Variants in PDAP1 observed in about 807,000 individuals in gnomAD.
PDAP1 encodes the protein PDGFA associated protein 1.
PDAP1 carries 13 observed loss-of-function variants against 28.0 expected under a neutral mutation model. The observed-to-expected ratio is 0.46, with a 90% CI of 0.30 to 0.74. The LOEUF is 0.74. PDAP1 is among the 30% of genes least tolerant of loss of function. PDAP1 has a pLI of 0.07. For missense variants in PDAP1, 150 were observed against 230.0 expected (o/e 0.65, Z 2.25); for synonymous variants, 77 against 85.1 (o/e 0.91, Z 0.52).
At chr7:99,402,878 C>CAAA (rs543294031) in intron 3 of PDAP1, among the ~76,000 whole-genome samples, 28 of 72,062 alleles carry the variant, frequency 3.9e-4, no homozygotes, top group East Asian at 1.9e-3. Context: ...CACTTCATCT[C>CAAA]AAAAAAAAAA....
rs777692134 is a variant in PDAP1 at position 99,400,300 on chromosome 7, T to C, written c.335+3A>G. 6.2e-7 allele frequency: 1 copy of C among 1,613,396 alleles called. No individual in the cohort carries two copies. ...TGACACAAGGCCCAGCCAGTGATGT[T>C]ACCGTTCTCTCCTCGAAAGCTCCTT... On this transcript the variant is annotated splice_donor_region_variant and intron_variant, in intron 4 of 5. Transcript: ENST00000350498.
chr7:99,403,528 G>A (rs1385654247), intron 2 of PDAP1, 23 bp from the exon 3 acceptor site: 1 of 1,464,954 alleles, frequency 6.8e-7, no homozygotes, highest in Admixed American at 1.7e-5. Context: ...TGGACAACCT[G>A]CAGAATCAAA....
At chr7:99,403,364 G>T in intron 3 of PDAP1, 34 bp downstream of exon 3, 1 of 1,288,502 alleles carries the variant, frequency 7.8e-7, no homozygotes, top group Non-Finnish European at 1.1e-6. Flanking sequence ...GAATGAATGA[G>T]TCCAGGCTCT....
At chr7:99,405,039 C>A in intron 1 of PDAP1, 86 bp from the exon 2 acceptor site, 1 of 968,898 alleles carries the variant, frequency 1.0e-6, no homozygotes, top group Non-Finnish European at 1.6e-6. Flanking sequence ...TTGGAGTACT[C>A]TCATCGGAGG....
chr7:99,400,686 C>T (rs1406423291), intron 3 of PDAP1, among the ~76,000 whole-genome samples: 2 of 152,188 alleles, frequency 1.3e-5, no homozygotes, highest in South Asian at 2.1e-4. Context: ...ATGAGAGGTG[C>T]GCCCTACCCC....
rs1794838643 is a variant in PDAP1, at chr7:99,400,185, T to G, written c.335+118A>C. ...TTTTTAAAGGCTACTGGAGGGCCAT[T>G]GGGGAATGAGACAGAAATAAACAGC... On this transcript the variant is annotated intron_variant, in intron 4 of 5. Transcript: ENST00000350498. 2.6e-6 allele frequency: 3 copies of G among 1,138,852 alleles called. No homozygotes were observed. In the Admixed American group the frequency reaches 7.0e-5, roughly 26 times the overall value. The allele number at this position is 1,138,852 out of a possible 1,614,324, so 70.5% of individuals were successfully genotyped here.
chr7:99,398,038 G>A, intron 4 of PDAP1, 25 bp from the exon 5 acceptor site: 5 of 1,612,902 alleles, frequency 3.1e-6, no homozygotes, highest in Middle Eastern at 3.3e-4. Flanking sequence ...TGGTGTCATG[G>A]GGACATCTTT....
Position 99,396,518 on chromosome 7 carries a change from C to T in PDAP1, c.*164G>A. ...CCTCCCCCAGTCCCCCCCCCCATCC[C>T]CCAAACAATTTCTGTGCCAAGATGA... On this transcript the variant is annotated 3_prime_UTR_variant, in exon 6 of 6. Transcript: ENST00000350498. 1.7e-6 allele frequency: 1 copy of T among 600,628 alleles called. No individual in the cohort carries two copies. The highest frequency in any genetic ancestry group is 2.4e-5 in the Admixed American group (1 of 41,114). The allele number at this position is 600,628 out of a possible 1,614,324, so 37.2% of individuals were successfully genotyped here.
chr7:99,404,710 C>T (rs543021289), intron 2 of PDAP1, 152 bp downstream of exon 2: 244 of 596,252 alleles, frequency 4.1e-4, no homozygotes, highest in African/African-American at 3.9e-3. Context: ...ATTGGTTGTT[C>T]TGAGACTCAC....
intron 1 of PDAP1, 139 bp downstream of exon 1, chr7:99,408,397 G>A: frequency 1.4e-6 from 1 of 711,426 alleles, no homozygotes; most frequent in South Asian, 4.8e-5. Context: ...TGGGCGTCGA[G>A]GCCCAGGCCT....
intron 1 of PDAP1, among the ~76,000 whole-genome samples, chr7:99,405,182 C>T (rs1794950667): frequency 1.3e-5 from 2 of 152,214 alleles, no homozygotes; most frequent in Admixed American, 6.5e-5. Context: ...GGCTCCTACA[C>T]AGAAGACCGG....
intron 2 of PDAP1, among the ~76,000 whole-genome samples, chr7:99,403,846 G>C (rs1794922827): frequency 6.6e-6 from 1 of 152,124 alleles, no homozygotes; most frequent in Non-Finnish European, 1.5e-5. Context: ...TCAGCCACCA[G>C]GCTGAAAACC....
At chr7:99,402,258 G>GTCATGTC (rs2150905908) in intron 3 of PDAP1, among the ~76,000 whole-genome samples, 1 of 147,612 alleles carries the variant, frequency 6.8e-6, no homozygotes, top group Admixed American at 6.7e-5. Flanking sequence ...AGCATATCTG[G>GTCATGTC]TCATGTCTCT....
At chr7:99,398,688 A>T (rs549734333) in intron 4 of PDAP1, among the ~76,000 whole-genome samples, 1 of 152,294 alleles carries the variant, frequency 6.6e-6, no homozygotes, top group African/African-American at 2.4e-5. Flanking sequence ...TGGGTGACAG[A>T]GTGAAATCCT....
At position 99,400,441 on chromosome 7, in the gene PDAP1, A is replaced by C. The variant is rs1166027369; in HGVS notation, c.214-17T>G. 2 of 1,613,848 alleles carry C rather than the reference A, an allele frequency of 1.2e-6. No individual in the cohort carries two copies. The highest frequency in any genetic ancestry group is 1.7e-6 in the Non-Finnish European group (2 of 1,179,900). The stretch of plus-strand genomic sequence containing the variant: ...GCGCTTTTGCTAGAACAGGGCAAGA[A>C]GCTGGTTGTTGGAGTTCAGGTCCTG... On this transcript the variant is annotated splice_polypyrimidine_tract_variant and intron_variant, in intron 3 of 5. Coordinates refer to ENST00000350498, the MANE Select transcript of PDAP1 (RefSeq NM_014891.7).
In PDAP1 at chr7:99,403,263, A is replaced by C; in HGVS notation, c.213+135T>G. ...CACTGTCTGTTTACTTCTTTGTTGT[A>C]TCTCCCGTAGTGTAAACCCTCAAGA... is the stretch of plus-strand genomic sequence containing the variant. On this transcript the variant is annotated intron_variant, in intron 3 of 5. Coordinates refer to ENST00000350498, the MANE Select transcript of PDAP1 (RefSeq NM_014891.7). 5 of 626,640 alleles carry C rather than the reference A, an allele frequency of 8.0e-6. No individual in the cohort carries two copies. The South Asian group carries it at 9.5e-5, about 12-fold the overall frequency. The allele number at this position is 626,640 out of a possible 1,614,324, so 38.8% of individuals were successfully genotyped here.
At chr7:99,401,029 A>G (rs954758708) in intron 3 of PDAP1, among the ~76,000 whole-genome samples, 1 of 152,116 alleles carries the variant, frequency 6.6e-6, no homozygotes, top group African/African-American at 2.4e-5. Flanking sequence ...GGTTTGGTCA[A>G]AGTTTCAGGC....
intron 1 of PDAP1, among the ~76,000 whole-genome samples, chr7:99,406,272 G>A (rs558304622): frequency 1.5e-4 from 23 of 151,882 alleles, no homozygotes; most frequent in African/African-American, 3.4e-4. Context: ...ATCGCTGTTC[G>A]TTACTTTTCC....
At chr7:99,400,222 G>C in intron 4 of PDAP1, 81 bp downstream of exon 4, 1 of 1,494,824 alleles carries the variant, frequency 6.7e-7, no homozygotes, top group Non-Finnish European at 9.2e-7. Context: ...ACAGCTCCCA[G>C]CCAGCTGGGG....
Sources: allele counts gnomAD v4.1 joint callset (sites outside exome capture counted in the v4.1 genomes callset), GRCh38; gene constraint gnomAD v4.1.1; transcripts MANE v1.5; gene names NCBI Gene and HGNC (gene_info 2026-07-23, HGNC 2026-07-21).